DGCR2: variants seen among roughly 807,000 people sequenced by gnomAD.
The protein encoded by DGCR2 is integral membrane protein DGCR2/IDD.
Under a neutral mutation model 51.6 loss-of-function variants are expected in DGCR2, and 24 were observed. The ratio of observed to expected loss-of-function variants is 0.47; its 90% confidence interval spans 0.34 to 0.65. DGCR2 has a LOEUF of 0.65. DGCR2 is among the 30% of genes least tolerant of loss of function. The pLI, the probability that DGCR2 is intolerant of heterozygous loss-of-function variation, is 0.01. For missense variants in DGCR2, 765 were observed against 772.1 expected, an observed-to-expected ratio of 0.99 and a Z score of 0.11; for synonymous variants, 340 against 315.4, an observed-to-expected ratio of 1.08 and a Z score of -0.82.
At chr22:19,063,314 G>A (rs200847055) in intron 4 of DGCR2, 36 bp from the exon 5 acceptor site, 80 of 1,588,194 alleles carry the variant, frequency 5.0e-5, no homozygotes, top group East Asian at 8.9e-5. Flanking sequence ...AGATCTCAGC[G>A]GCAGGAGGGA....
intron 5 of DGCR2, among the ~76,000 whole-genome samples, chr22:19,062,774 T>TTCTTTGC (rs1569052709): frequency 1.8e-5 from 2 of 113,982 alleles, no homozygotes; most frequent in South Asian, 3.8e-4. Context: ...CACACATGCA[T>TTCTTTGC]GCTCACTCTC....
intron 1 of DGCR2, among the ~76,000 whole-genome samples, chr22:19,110,066 A>T (rs2083298327): frequency 6.6e-6 from 1 of 152,240 alleles, no homozygotes. Context: ...GTCCTATCAT[A>T]TGGGGTCTTT....
intron 1 of DGCR2, among the ~76,000 whole-genome samples, chr22:19,099,361 CTT>C (rs1469851877): frequency 6.6e-6 from 1 of 151,906 alleles, no homozygotes; most frequent in African/African-American, 2.4e-5. Flanking sequence ...AGGTAGATTA[CTT>C]AAGCCCAGGA....
chr22:19,084,816 C>T (rs1569072004), intron 2 of DGCR2, among the ~76,000 whole-genome samples: 2 of 142,730 alleles, frequency 1.4e-5, no homozygotes, highest in South Asian at 2.3e-4. Flanking sequence ...GGTGGGGGGG[C>T]GCCTCCGCCC....
At chr22:19,056,896 G>A (rs942982278) in intron 6 of DGCR2, 90 bp downstream of exon 6, 2 of 1,401,658 alleles carry the variant, frequency 1.4e-6, no homozygotes, top group South Asian at 1.5e-5. Flanking sequence ...TGCAAATCAG[G>A]TTCTGCCTCC....
At chr22:19,072,526 T>C (rs2082826439) in intron 2 of DGCR2, among the ~76,000 whole-genome samples, 1 of 152,106 alleles carries the variant, frequency 6.6e-6, no homozygotes, top group Admixed American at 6.5e-5. Flanking sequence ...GCCATTAACA[T>C]CCTCAAAGTG....
At position 19,064,928 on chromosome 22, in the gene DGCR2, G is replaced by A. The variant is rs1233059510; in HGVS notation, c.468C>T (p.Ser156=). Reference sequence around the variant, plus strand: ...GGACAAAGCGCAGCTCCTGGTCAGTGGAGAAGGTGGCGAGAGAGCCATTCA... The same window carrying A: ...GGACAAAGCGCAGCTCCTGGTCAGTAGAGAAGGTGGCGAGAGAGCCATTCA... ...QRLNGSLATF[S]TDQELRFVLA... The change falls in exon 4 of 10, where the codon TCC becomes TCT. Residue 156 remains serine, a synonymous_variant. Transcript: ENST00000263196. 2 of 1,613,880 alleles carry A rather than the reference G, an allele frequency of 1.2e-6. No homozygotes were observed. The highest frequency in any genetic ancestry group is 1.7e-5 in the Admixed American group (1 of 60,012).
intron 2 of DGCR2, among the ~76,000 whole-genome samples, chr22:19,074,655 G>A (rs1027797842): frequency 3.9e-5 from 6 of 152,068 alleles, no homozygotes; most frequent in Non-Finnish European, 7.3e-5. Flanking sequence ...GAAAATTAGA[G>A]GGGTTCATAG....
At chr22:19,084,470 G>A in intron 2 of DGCR2, among the ~76,000 whole-genome samples, 1 of 150,312 alleles carries the variant, frequency 6.7e-6, no homozygotes, top group South Asian at 2.1e-4. Flanking sequence ...GAAGTGAGGG[G>A]CCCCTTTGCC....
At chr22:19,056,512 A>C in intron 6 of DGCR2, 1 of 484,866 alleles carries the variant, frequency 2.1e-6, no homozygotes, top group Non-Finnish European at 3.8e-6. Flanking sequence ...AGAGCTCCTG[A>C]GACCCCTGTC....
In DGCR2 at chr22:19,122,195, CT is replaced by C. The variant is rs1319900654; in HGVS notation, c.11del (p.Lys4ArgfsTer66). On this transcript the variant is annotated frameshift_variant, in exon 1 of 10. Coordinates refer to ENST00000263196, the MANE Select transcript of DGCR2 (RefSeq NM_005137.3). LOFTEE classifies it high-confidence loss of function. MVP[K>X]ADSGAFLLLF... ...GCAGCAGGAAGGCGCCGCTGTCTGC[CT>C]TGGGCACCATTTATCCTCCGTTCAT... is the stretch of plus-strand genomic sequence containing the variant. The C allele has an allele frequency of 6.6e-7, 1 of 1,508,310 alleles. No homozygotes were observed. The highest frequency in any genetic ancestry group is 2.2e-5 in the Admixed American group (1 of 46,328). The allele number at this position is 1,508,310 out of a possible 1,614,324, so 93.4% of individuals were successfully genotyped here. A position where few individuals can be genotyped will look rare whatever the true frequency, so the allele number is the denominator to read the frequency against.
chr22:19,108,060 G>A (rs2083276705), intron 1 of DGCR2, among the ~76,000 whole-genome samples: 1 of 152,136 alleles, frequency 6.6e-6, no homozygotes, highest in Non-Finnish European at 1.5e-5. Flanking sequence ...TAGGGGCCAG[G>A]TGTTGTACAG....
intron 1 of DGCR2, among the ~76,000 whole-genome samples, chr22:19,103,221 G>C (rs868576471): frequency 6.6e-6 from 1 of 151,546 alleles, no homozygotes; most frequent in Admixed American, 6.6e-5. Context: ...AATTGCCAAA[G>C]GCTGTGGGCA....
At chr22:19,088,213 CT>C (rs1204622941) in intron 2 of DGCR2, among the ~76,000 whole-genome samples, 3 of 152,186 alleles carry the variant, frequency 2.0e-5, no homozygotes, top group Non-Finnish European at 4.4e-5. Flanking sequence ...TCTCTGCCCC[CT>C]GGGAACTCAT....
intron 2 of DGCR2, among the ~76,000 whole-genome samples, chr22:19,086,646 GC>G (rs1304496248): frequency 6.6e-6 from 1 of 152,100 alleles, no homozygotes; most frequent in Non-Finnish European, 1.5e-5. Context: ...GCCTCAGGGG[GC>G]TTGCACACAC....
At position 19,103,416 on chromosome 22, in the gene DGCR2, C is replaced by CTTTTTTT. The variant is rs55877455; in HGVS notation, c.80-13933_80-13927dup. Among the ~76,000 whole-genome samples, 19 of 67,732 alleles carry CTTTTTTT rather than the reference C, an allele frequency of 2.8e-4. 1 individual carries two copies. The highest frequency in any genetic ancestry group is 3.5e-4 in the Non-Finnish European group (12 of 33,838). 44.4% of individuals were successfully genotyped at this position (67,732 alleles called of 152,430 possible). A position where few individuals can be genotyped will look rare whatever the true frequency, so the allele number is the denominator to read the frequency against. ...GTATTTTACCACAATAAAAAAAGTTCTTTTTTTTTTTTTTTTTTTTTTTTT... is the reference window on the plus strand; with the variant it reads ...GTATTTTACCACAATAAAAAAAGTTCTTTTTTTTTTTTTTTTTTTTTTTTTTTTTTTT... On this transcript the variant is annotated intron_variant, in intron 1 of 9. Transcript: ENST00000263196.
intron 6 of DGCR2, among the ~76,000 whole-genome samples, chr22:19,051,106 T>C (rs1030130272): frequency 6.7e-6 from 1 of 148,590 alleles, no homozygotes; most frequent in African/African-American, 2.5e-5. Flanking sequence ...CAAGAATCAC[T>C]TGAACCCAGG....
At chr22:19,056,958 C>T (rs751469665) in intron 6 of DGCR2, 28 bp downstream of exon 6, 8 of 1,542,814 alleles carry the variant, frequency 5.2e-6, no homozygotes, top group Non-Finnish European at 7.0e-6. Context: ...CAGACATTCC[C>T]CAAGAACGCC....
chr22:19,056,755 C>G, intron 6 of DGCR2, among the ~76,000 whole-genome samples: 1 of 151,982 alleles, frequency 6.6e-6, no homozygotes, highest in Non-Finnish European at 1.5e-5. Flanking sequence ...TTGTCTCTTC[C>G]GTGGGAAAAG....
Sources: allele counts gnomAD v4.1 joint callset (sites outside exome capture counted in the v4.1 genomes callset), GRCh38; gene constraint gnomAD v4.1.1; transcripts MANE v1.5; gene names NCBI Gene and HGNC (gene_info 2026-07-23, HGNC 2026-07-21).